The following FOXP1 variants were observed in gnomAD, a reference collection of about 807,000 sequenced individuals.
FOXP1 encodes forkhead box protein P1.
In FOXP1, 15 loss-of-function variants were observed where a neutral mutation model predicts 98.2. The observed-to-expected ratio is 0.15, with a 90% CI of 0.10 to 0.24. The LOEUF (loss-of-function observed/expected upper bound fraction) is 0.24. FOXP1 is among the 10% of genes least tolerant of loss of function. The pLI is 1.00. For synonymous variants in FOXP1, 371 were observed against 314.5 expected, an observed-to-expected ratio of 1.18 and a Z score of -1.90; for missense variants, 633 against 848.5, an observed-to-expected ratio of 0.75 and a Z score of 3.15.
intron 6 of FOXP1, among the ~76,000 whole-genome samples, chr3:71,188,445 G>A (rs1414119368): frequency 1.4e-5 from 2 of 143,328 alleles, no homozygotes; most frequent in African/African-American, 2.6e-5. Context: ...ATGGACTCTC[G>A]CTCTTGTAGC....
chr3:71,434,266 T>C (rs1411032683), intron 3 of FOXP1, among the ~76,000 whole-genome samples: 1 of 151,896 alleles, frequency 6.6e-6, no homozygotes, highest in Non-Finnish European at 1.5e-5. Context: ...AGGCACTGGA[T>C]CCTAGAGCCC....
At chr3:71,542,411 G>T (rs1015384327) in intron 2 of FOXP1, among the ~76,000 whole-genome samples, 14 of 152,212 alleles carry the variant, frequency 9.2e-5, no homozygotes, top group Non-Finnish European at 2.9e-5. Context: ...CAAGAGGGGT[G>T]GGGGAGCAGA....
At chr3:71,124,746 C>A (rs1559980191) in intron 6 of FOXP1, among the ~76,000 whole-genome samples, 1 of 151,654 alleles carries the variant, frequency 6.6e-6, no homozygotes, top group Non-Finnish European at 1.5e-5. Flanking sequence ...GCACCTGAAA[C>A]ATGATAGTTA....
chr3:71,505,865 G>A (rs1047549799), intron 2 of FOXP1, among the ~76,000 whole-genome samples: 2 of 152,144 alleles, frequency 1.3e-5, no homozygotes, highest in African/African-American at 2.4e-5. Context: ...AAAGTCTAAA[G>A]GATGAGATTA....
chr3:71,399,327 C>G (rs1379155914), intron 3 of FOXP1, among the ~76,000 whole-genome samples: 1 of 152,126 alleles, frequency 6.6e-6, no homozygotes, highest in Non-Finnish European at 1.5e-5. Context: ...TTCTCTAAAG[C>G]TCCCAAGTCA....
At chr3:71,504,202 C>T (rs1052237229) in intron 2 of FOXP1, among the ~76,000 whole-genome samples, 3 of 152,066 alleles carry the variant, frequency 2.0e-5, no homozygotes, top group Non-Finnish European at 1.5e-5. Context: ...TGGGGGATAA[C>T]CGAGAATTCC....
chr3:71,139,700 G>A (rs1201951137), intron 6 of FOXP1, among the ~76,000 whole-genome samples: 1 of 152,090 alleles, frequency 6.6e-6, no homozygotes, highest in African/African-American at 2.4e-5. Flanking sequence ...CACAAGCCAG[G>A]GCAGGAGAGT....
intron 3 of FOXP1, among the ~76,000 whole-genome samples, chr3:71,362,869 T>C (rs1282031040): frequency 6.6e-6 from 1 of 152,246 alleles, no homozygotes; most frequent in Non-Finnish European, 1.5e-5. Flanking sequence ...GATTAGTCTA[T>C]AATATGATCT....
At chr3:71,293,071 T>C (rs1302925615) in intron 5 of FOXP1, among the ~76,000 whole-genome samples, 2 of 152,264 alleles carry the variant, frequency 1.3e-5, no homozygotes, top group Non-Finnish European at 2.9e-5. Flanking sequence ...ACTGAGGGGG[T>C]AGGCCCACAA....
At chr3:71,552,444 AATTAT>A in intron 2 of FOXP1, among the ~76,000 whole-genome samples, 1 of 152,198 alleles carries the variant, frequency 6.6e-6, no homozygotes, top group Non-Finnish European at 1.5e-5. Flanking sequence ...TTGAATAAAT[AATTAT>A]ATTAGTTTCC....
At chr3:71,459,926 A>G (rs1266372056) in intron 3 of FOXP1, among the ~76,000 whole-genome samples, 1 of 148,372 alleles carries the variant, frequency 6.7e-6, no homozygotes, top group Non-Finnish European at 1.5e-5. Context: ...ATCAGGCCCC[A>G]TCTTCTTTTT....
At chr3:71,467,491 C>T (rs762573304) in intron 3 of FOXP1, among the ~76,000 whole-genome samples, 2 of 152,174 alleles carry the variant, frequency 1.3e-5, no homozygotes, top group Non-Finnish European at 2.9e-5. Context: ...TAAGACACGG[C>T]GGCCCTTTAT....
At chr3:71,088,428 A>G (rs1463952009) in intron 7 of FOXP1, among the ~76,000 whole-genome samples, 1 of 148,432 alleles carries the variant, frequency 6.7e-6, no homozygotes, top group East Asian at 2.0e-4. Flanking sequence ...TACCAGTTTA[A>G]TGTCCCATAA....
chr3:70,982,628 T>C (rs543357521), intron 14 of FOXP1, among the ~76,000 whole-genome samples: 5 of 152,320 alleles, frequency 3.3e-5, no homozygotes, highest in African/African-American at 1.2e-4. Context: ...CTCTCAGGCA[T>C]CAGCTTTTCT....
At chr3:70,961,618 T>G (rs1027542875) in intron 20 of FOXP1, among the ~76,000 whole-genome samples, 2 of 152,074 alleles carry the variant, frequency 1.3e-5, no homozygotes, top group Non-Finnish European at 1.5e-5. Flanking sequence ...GTATTAAGCA[T>G]TACGGATGGG....
intron 4 of FOXP1, among the ~76,000 whole-genome samples, chr3:71,319,095 T>C (rs1310679272): frequency 1.3e-5 from 2 of 152,222 alleles, no homozygotes; most frequent in Non-Finnish European, 1.5e-5. Context: ...TGAAGTTTTC[T>C]AGAAAACCAC....
At position 71,315,327 on chromosome 3, in the gene FOXP1, C is replaced by G. The variant is rs757946260; in HGVS notation, c.-72-15447G>C. ...TTAATACTCCTATTAATAATGATAG[C>G]AAGCACAAACCTGATTCAAAATGGG... On this transcript the variant is annotated intron_variant, in intron 4 of 20. Transcript: ENST00000649528. Among the ~76,000 whole-genome samples the G allele has an allele frequency of 2.6e-5, 4 of 152,012 alleles. No individual in the cohort carries two copies. In the South Asian group the frequency reaches 8.3e-4, roughly 32 times the overall value.
intron 4 of FOXP1, among the ~76,000 whole-genome samples, chr3:71,354,291 A>G (rs975803486): frequency 4.8e-5 from 7 of 144,480 alleles, no homozygotes; most frequent in Non-Finnish European, 9.3e-5. Flanking sequence ...AAAAAAAAAA[A>G]GAGAGAGAGA....
At chr3:70,977,597 A>G in intron 16 of FOXP1, 46 bp downstream of exon 16, 2 of 1,428,444 alleles carry the variant, frequency 1.4e-6, no homozygotes, top group Non-Finnish European at 9.9e-7. Flanking sequence ...ATCCATGTAC[A>G]CATATACCTT....
Sources: gnomAD v4.1 joint callset for allele counts (sites outside exome capture counted in the v4.1 genomes callset) on GRCh38, gnomAD v4.1.1 for gene constraint, MANE v1.5 for transcripts, NCBI Gene and HGNC (gene_info 2026-07-23, HGNC 2026-07-21) for gene names.